The following SNX30 variants were observed in gnomAD, a reference collection of about 807,000 sequenced individuals.
SNX30 encodes sorting nexin family member 30.
A neutral mutation model predicts 46.4 loss-of-function variants in SNX30; 24 were observed. The observed-to-expected ratio is 0.52, with a 90% confidence interval of 0.37 to 0.73. SNX30 has a LOEUF of 0.73. Ranked by LOEUF, SNX30 falls within the 30% of genes least tolerant of loss-of-function variation. The pLI, the probability that SNX30 is intolerant of heterozygous loss-of-function variation, is 0.00. For missense variants in SNX30, 533 were observed against 555.7 expected, an observed-to-expected ratio of 0.96 and a Z score of 0.41; for synonymous variants, 189 against 211.5, an observed-to-expected ratio of 0.89 and a Z score of 0.92.
chr9:112,817,876 G>A, intron 3 of SNX30, 61 bp downstream of exon 3: 5 of 1,111,554 alleles, frequency 4.5e-6, no homozygotes, highest in Non-Finnish European at 6.9e-6. Flanking sequence ...TCCTGAAGGG[G>A]TTCACTCAAC....
At position 112,874,488 on chromosome 9, in the gene SNX30, A is replaced by T. The variant is rs181140977; in HGVS notation, c.*5645A>T. The T allele has an allele frequency of 6.6e-6, 1 of 152,368 alleles. No individual in the cohort carries two copies. Among genetic ancestry groups the T allele is most frequent in the Admixed American group, 6.5e-5 (1 of 15,304 alleles). 9.4% of individuals were successfully genotyped at this position (152,368 alleles called of 1,614,324 possible). A position where few individuals can be genotyped will look rare whatever the true frequency, so the allele number is the denominator to read the frequency against. Reference sequence around the variant, plus strand: ...GGACATGTCCACATTATGGACTGTCATCTTATTTTTAAAAGTCATTCTTTA... The same window carrying T: ...GGACATGTCCACATTATGGACTGTCTTCTTATTTTTAAAAGTCATTCTTTA... On this transcript the variant is annotated 3_prime_UTR_variant, in exon 9 of 9. Coordinates refer to ENST00000374232, the MANE Select transcript of SNX30 (RefSeq NM_001012994.2).
chr9:112,852,566 C>T (rs1253992656), intron 7 of SNX30, among the ~76,000 whole-genome samples: 1 of 152,098 alleles, frequency 6.6e-6, no homozygotes. Context: ...TTCATTGATT[C>T]CATACCACAA....
intron 1 of SNX30, among the ~76,000 whole-genome samples, chr9:112,775,533 A>T (rs367809009): frequency 2.0e-3 from 140 of 68,768 alleles, no homozygotes; most frequent in Non-Finnish European, 2.7e-3. Context: ...TGTCCTTTTT[A>T]TTTTAAATTT....
chr9:112,794,989 A>T (rs1840085312), intron 1 of SNX30, among the ~76,000 whole-genome samples: 1 of 152,168 alleles, frequency 6.6e-6, no homozygotes, highest in Non-Finnish European at 1.5e-5. Context: ...TGTAGTTGTA[A>T]CTCTTCACAA....
In SNX30 at chr9:112,773,878, C is replaced by T. The variant is rs940663555; in HGVS notation, c.156+22721C>T. ...GATCTGATTATAGTAGAAATGTTCACGTCTTCTCCTTAATTTGATTTTCAT... is the reference window on the plus strand; with the variant it reads ...GATCTGATTATAGTAGAAATGTTCATGTCTTCTCCTTAATTTGATTTTCAT... On this transcript the variant is annotated intron_variant, in intron 1 of 8. Coordinates refer to ENST00000374232, the MANE Select transcript of SNX30 (RefSeq NM_001012994.2). Among the ~76,000 whole-genome samples the T allele has an allele frequency of 5.9e-5, 9 of 152,266 alleles. No individual in the cohort carries two copies. The East Asian group carries it at 1.4e-3, about 23-fold the overall frequency.
At chr9:112,864,438 A>G (rs1841287088) in intron 8 of SNX30, 39 bp downstream of exon 8, 2 of 1,611,490 alleles carry the variant, frequency 1.2e-6, no homozygotes, top group African/African-American at 2.7e-5. Context: ...TCTAATGGCC[A>G]GAGCCTTTCA....
intron 6 of SNX30, among the ~76,000 whole-genome samples, chr9:112,841,443 G>A (rs1221168021): frequency 6.6e-6 from 1 of 152,194 alleles, no homozygotes; most frequent in African/African-American, 2.4e-5. Flanking sequence ...TACTGAGCCT[G>A]AAAAATCAGG....
chr9:112,783,052 G>A (rs1163420949), intron 1 of SNX30, among the ~76,000 whole-genome samples: 2 of 152,214 alleles, frequency 1.3e-5, no homozygotes, highest in Non-Finnish European at 2.9e-5. Context: ...TTCTGCCACT[G>A]GTGGTTCAGG....
chr9:112,759,238 T>C (rs1314958931), intron 1 of SNX30, among the ~76,000 whole-genome samples: 2 of 152,180 alleles, frequency 1.3e-5, no homozygotes, highest in African/African-American at 2.4e-5. Flanking sequence ...TTGCTTCCAC[T>C]TCCTGACCTC....
chr9:112,756,861 A>G (rs1839358709), intron 1 of SNX30, among the ~76,000 whole-genome samples: 1 of 152,226 alleles, frequency 6.6e-6, no homozygotes, highest in African/African-American at 2.4e-5. Context: ...ACTGGATATT[A>G]TCACATTTTA....
chr9:112,836,060 G>C (rs1840745898), intron 4 of SNX30, among the ~76,000 whole-genome samples, 154 bp from the exon 5 acceptor site: 1 of 152,120 alleles, frequency 6.6e-6, no homozygotes, highest in Non-Finnish European at 1.5e-5. Flanking sequence ...TCCAGGCCAG[G>C]TTCCTCCTGT....
At chr9:112,779,573 TAGTCCCAGCTACTTAAG>T (rs1306560052) in intron 1 of SNX30, among the ~76,000 whole-genome samples, 1 of 152,148 alleles carries the variant, frequency 6.6e-6, no homozygotes, top group African/African-American at 2.4e-5. Flanking sequence ...GAGGTGCCTG[TAGTCCCAGCTACTTAAG>T]AGGCTGAGGC....
rs1047784818 is a variant in SNX30, at chr9:112,836,110, G to C, written c.619-104G>C. ...CCTCTAACTCAGCTCCTTGTTTCCC[G>C]AGTTCTCCATTTCCAAACTGAAGCT... is the stretch of plus-strand genomic sequence containing the variant. On this transcript the variant is annotated intron_variant, in intron 4 of 8. Coordinates refer to ENST00000374232, the MANE Select transcript of SNX30 (RefSeq NM_001012994.2). 9.8e-6 allele frequency: 11 copies of C among 1,118,608 alleles called. No individual in the cohort carries two copies. The Admixed American group carries it at 2.5e-4, about 25-fold the overall frequency. 69.3% of individuals were successfully genotyped at this position (1,118,608 alleles called of 1,614,324 possible).
chr9:112,821,451 ATGTGTG>A (rs1286495571), intron 3 of SNX30, among the ~76,000 whole-genome samples: 2 of 151,674 alleles, frequency 1.3e-5, no homozygotes, highest in Non-Finnish European at 2.9e-5. Flanking sequence ...ATGTGTATAT[ATGTGTG>A]TGTGTATATG....
rs1362949614 is a variant in SNX30 at position 112,872,977 on chromosome 9, A to T, written c.*4134A>T. ...AATTCAGTGAATAAACCAGGAATCCATTTTTTCACCAACCCACCCTGTAGA... is the reference window on the plus strand; with the variant it reads ...AATTCAGTGAATAAACCAGGAATCCTTTTTTTCACCAACCCACCCTGTAGA... On this transcript the variant is annotated 3_prime_UTR_variant, in exon 9 of 9. Transcript: ENST00000374232. The T allele has an allele frequency of 6.6e-6, 1 of 152,104 alleles. No homozygotes were observed. Among genetic ancestry groups the T allele is most frequent in the African/African-American group, 2.4e-5 (1 of 41,398 alleles). 9.4% of individuals were successfully genotyped at this position (152,104 alleles called of 1,614,324 possible).
intron 1 of SNX30, among the ~76,000 whole-genome samples, chr9:112,764,244 G>C (rs1025554392): frequency 6.6e-6 from 1 of 152,348 alleles, no homozygotes; most frequent in South Asian, 2.1e-4. Flanking sequence ...AGTGTCAAGT[G>C]ATGCACGCAC....
At chr9:112,879,817 A>G, downstream of SNX30, 3 of 1,612,876 alleles carry the variant, frequency 1.9e-6, no homozygotes, top group Non-Finnish European at 2.5e-6. Flanking sequence ...ATAGGCCACG[A>G]TGCTGTAAGA....
At chr9:112,797,520 A>G (rs944393492) in intron 1 of SNX30, among the ~76,000 whole-genome samples, 9 of 152,066 alleles carry the variant, frequency 5.9e-5, no homozygotes, top group Non-Finnish European at 1.3e-4. Flanking sequence ...TATAATTTTA[A>G]AAGATGAAGA....
At chr9:112,767,622 C>T (rs572471346) in intron 1 of SNX30, among the ~76,000 whole-genome samples, 58 of 152,214 alleles carry the variant, frequency 3.8e-4, no homozygotes, top group African/African-American at 1.3e-3. Flanking sequence ...CAGAGTCTCA[C>T]TCTGTCGCCC....
Sources: gnomAD v4.1 joint callset for allele counts (sites outside exome capture counted in the v4.1 genomes callset) on GRCh38, gnomAD v4.1.1 for gene constraint, MANE v1.5 for transcripts, NCBI Gene and HGNC (gene_info 2026-07-23, HGNC 2026-07-21) for gene names.